Variants in GALNTL6 observed in about 807,000 individuals in gnomAD.
GALNTL6 encodes the protein polypeptide N-acetylgalactosaminyltransferase-like 6.
GALNTL6 carries 46 observed loss-of-function variants against 73.7 expected under a neutral mutation model. The observed-to-expected ratio is 0.62, with a 90% confidence interval of 0.49 to 0.80. The LOEUF is 0.80. Among genes scored for constraint, GALNTL6 ranks in the 30% least tolerant of loss-of-function variants. GALNTL6 has a pLI of 0.00. For missense variants in GALNTL6, 604 were observed against 755.0 expected (o/e 0.80, Z 2.34); for synonymous variants, 259 against 263.7 (o/e 0.98, Z 0.17).
intron 2 of GALNTL6, among the ~76,000 whole-genome samples, chr4:172,105,627 G>A (rs1202557462): frequency 6.6e-6 from 1 of 151,940 alleles, no homozygotes; most frequent in Admixed American, 6.6e-5. Flanking sequence ...TCTACAAAAA[G>A]TTATAAAGGG....
At chr4:173,023,213 C>T (rs1055381764) in intron 12 of GALNTL6, among the ~76,000 whole-genome samples, 19 of 152,124 alleles carry the variant, frequency 1.2e-4, no homozygotes, top group Non-Finnish European at 2.1e-4. Flanking sequence ...TACTTGTTGC[C>T]TTACTTAATA....
chr4:172,236,823 T>G (rs1390072198), intron 3 of GALNTL6, among the ~76,000 whole-genome samples: 5 of 152,150 alleles, frequency 3.3e-5, no homozygotes, highest in Non-Finnish European at 7.4e-5. Context: ...ACCTAGATAA[T>G]AAGCATAGTA....
At chr4:172,753,065 C>T (rs1461177764) in intron 5 of GALNTL6, among the ~76,000 whole-genome samples, 1 of 152,114 alleles carries the variant, frequency 6.6e-6, no homozygotes, top group Non-Finnish European at 1.5e-5. Context: ...CCAAATCTCA[C>T]CTTGAATTGT....
intron 2 of GALNTL6, among the ~76,000 whole-genome samples, chr4:171,851,093 A>T (rs1735511175): frequency 6.6e-6 from 1 of 152,234 alleles, no homozygotes; most frequent in Non-Finnish European, 1.5e-5. Context: ...TTGAAGTATA[A>T]GATAGGAACG....
chr4:172,896,008 A>T (rs1746309623), intron 8 of GALNTL6, among the ~76,000 whole-genome samples: 1 of 152,100 alleles, frequency 6.6e-6, no homozygotes, highest in Non-Finnish European at 1.5e-5. Context: ...TCTCTGATAA[A>T]TTTTTGGATT....
chr4:171,939,518 A>G (rs1292774233), intron 2 of GALNTL6, among the ~76,000 whole-genome samples: 1 of 152,004 alleles, frequency 6.6e-6, no homozygotes, highest in Non-Finnish European at 1.5e-5. Flanking sequence ...AGTGAAACAG[A>G]CACAGAATGT....
intron 7 of GALNTL6, among the ~76,000 whole-genome samples, chr4:172,825,056 CTTTTTT>C (rs36147306): frequency 1.5e-4 from 18 of 118,318 alleles, no homozygotes; most frequent in Admixed American, 4.2e-4. Flanking sequence ...ATTCTTTTTT[CTTTTTT>C]TTTTTTTTGG....
intron 2 of GALNTL6, among the ~76,000 whole-genome samples, chr4:171,953,242 G>A (rs1738941179): frequency 6.6e-6 from 1 of 151,920 alleles, no homozygotes; most frequent in East Asian, 1.9e-4. Context: ...GTGTGTGTGT[G>A]TGTGTGTGTG....
chr4:172,759,669 CTCCCATGCCAGTA>C (rs1192090661), intron 5 of GALNTL6, among the ~76,000 whole-genome samples: 2 of 152,190 alleles, frequency 1.3e-5, no homozygotes. Context: ...ATTATGCTGT[CTCCCATGCCAGTA>C]TCCCATACTC....
Position 172,311,614 on chromosome 4 carries a change from G to A in GALNTL6, c.248G>A (p.Gly83Glu). 2 of 1,598,530 alleles carry A rather than the reference G, an allele frequency of 1.3e-6. No individual in the cohort carries two copies. Among genetic ancestry groups the A allele is most frequent in the Non-Finnish European group, 1.7e-6 (2 of 1,172,276 alleles). ...ATCTCATTTTGTTTTCTCCTGCTAGGGAAAGGTGAACATGGGAAACCTTAC... is the reference window on the plus strand; with the variant it reads ...ATCTCATTTTGTTTTCTCCTGCTAGAGAAAGGTGAACATGGGAAACCTTAC... ...ESIQKEAMRS[G>E]KGEHGKPYPL... The change falls in exon 4 of 13, where the codon GGG becomes GAG. Residue 83 changes from glycine (G) to glutamate (E), a missense_variant and splice_region_variant. Transcript: ENST00000506823.
At chr4:172,729,409 G>T (rs77575768) in intron 5 of GALNTL6, among the ~76,000 whole-genome samples, 11 of 152,060 alleles carry the variant, frequency 7.2e-5, no homozygotes, top group African/African-American at 2.4e-4. Flanking sequence ...TTTTTATGTA[G>T]GGTAAGAGAT....
chr4:172,593,703 T>C (rs544880645), intron 5 of GALNTL6, among the ~76,000 whole-genome samples: 1 of 152,154 alleles, frequency 6.6e-6, no homozygotes, highest in Admixed American at 6.6e-5. Flanking sequence ...GCTTTTTTGT[T>C]GTGGTGGTGG....
At chr4:172,257,042 G>A (rs71607877) in intron 3 of GALNTL6, among the ~76,000 whole-genome samples, 8 of 151,218 alleles carry the variant, frequency 5.3e-5, no homozygotes, top group African/African-American at 9.7e-5. Context: ...TCAGCATAAT[G>A]CAAAAGTCAT....
intron 5 of GALNTL6, among the ~76,000 whole-genome samples, chr4:172,529,109 A>G (rs1735083383): frequency 6.7e-6 from 1 of 150,120 alleles, no homozygotes; most frequent in Admixed American, 6.7e-5. Flanking sequence ...ACTATATTAT[A>G]TTTGGATATT....
At chr4:171,828,954 A>G (rs1037535402) in intron 2 of GALNTL6, among the ~76,000 whole-genome samples, 2 of 152,064 alleles carry the variant, frequency 1.3e-5, no homozygotes, top group Non-Finnish European at 2.9e-5. Context: ...TTTCTTAATA[A>G]CATTTTATTT....
intron 3 of GALNTL6, among the ~76,000 whole-genome samples, chr4:172,300,282 T>C (rs1739860764): frequency 6.6e-6 from 1 of 152,160 alleles, no homozygotes; most frequent in African/African-American, 2.4e-5. Context: ...GTGAGATGGG[T>C]TTCCTGAATA....
In GALNTL6 at chr4:172,684,593, G is replaced by T. The variant is rs1044925953; in HGVS notation, c.554-124768G>T. ...AGAAATTCAGGTCATGGAAAAGGAA[G>T]AAGAAACTGGATGGGTAGTACCTAA... is the stretch of plus-strand genomic sequence containing the variant. On this transcript the variant is annotated intron_variant, in intron 5 of 12. Transcript: ENST00000506823. Among the ~76,000 whole-genome samples the T allele has an allele frequency of 4.6e-5, 7 of 152,274 alleles. No homozygotes were observed. In the East Asian group the frequency reaches 9.6e-4, roughly 21 times the overall value.
At chr4:171,913,963 G>A (rs978661638) in intron 2 of GALNTL6, among the ~76,000 whole-genome samples, 3 of 151,876 alleles carry the variant, frequency 2.0e-5, no homozygotes, top group Non-Finnish European at 2.9e-5. Context: ...AAATTGAAAT[G>A]TAAAAATGCA....
intron 5 of GALNTL6, among the ~76,000 whole-genome samples, chr4:172,693,133 A>G (rs1733419619): frequency 6.6e-6 from 1 of 152,234 alleles, no homozygotes; most frequent in South Asian, 2.1e-4. Flanking sequence ...AAGAGGGTAT[A>G]TGACCTCAAA....
Sources: allele counts gnomAD v4.1 joint callset (sites outside exome capture counted in the v4.1 genomes callset), GRCh38; gene constraint gnomAD v4.1.1; transcripts MANE v1.5; gene names NCBI Gene and HGNC (gene_info 2026-07-23, HGNC 2026-07-21).